SUCLG1: variants seen among roughly 807,000 people sequenced by gnomAD.
SUCLG1 encodes succinate--CoA ligase [ADP/GDP-forming] subunit alpha, mitochondrial.
In SUCLG1, 26 loss-of-function variants were observed where a neutral mutation model predicts 37.3. That is an observed-to-expected ratio of 0.70 (90% confidence interval 0.51 to 0.97). The LOEUF (loss-of-function observed/expected upper bound fraction) is 0.97. Ranked by LOEUF, SUCLG1 falls within the 50% of genes least tolerant of loss-of-function variation. The pLI, the probability that SUCLG1 is intolerant of heterozygous loss-of-function variation, is 0.00. For missense variants in SUCLG1, 433 were observed against 432.9 expected, an observed-to-expected ratio of 1.00 and a Z score of 0.00; for synonymous variants, 163 against 155.6, an observed-to-expected ratio of 1.05 and a Z score of -0.36.
chr2:84,439,156 T>G (rs1421667094), intron 5 of SUCLG1, among the ~76,000 whole-genome samples: 1 of 150,734 alleles, frequency 6.6e-6, no homozygotes, highest in Non-Finnish European at 1.5e-5. Context: ...GAACCAACTC[T>G]GGACACAGTG....
In SUCLG1 at chr2:84,423,666, A is replaced by T. The variant is rs1301709104; in HGVS notation, c.*80T>A. ...TGTCAGGCACATAGGCTGATTAATC[A>T]GTGGACAACAGAAGCAAACTGCTGC... On this transcript the variant is annotated 3_prime_UTR_variant, in exon 9 of 9. Coordinates refer to ENST00000393868, the MANE Select transcript of SUCLG1 (RefSeq NM_003849.4). 3.6e-6 allele frequency: 5 copies of T among 1,382,430 alleles called. No individual in the cohort carries two copies. Among genetic ancestry groups the T allele is most frequent in the Non-Finnish European group, 5.1e-6 (5 of 985,558 alleles). 85.6% of individuals were successfully genotyped at this position (1,382,430 alleles called of 1,614,324 possible).
chr2:84,449,755 A>G lies in SUCLG1; in HGVS notation c.98-3T>C. On this transcript the variant is annotated splice_polypyrimidine_tract_variant and splice_region_variant and intron_variant, in intron 1 of 8. Coordinates refer to ENST00000393868, the MANE Select transcript of SUCLG1 (RefSeq NM_003849.4). Reference sequence around the variant, plus strand: ...ATGCCGAATTCCATTCTGCGGCACTAAGAGGTTAAAAAAAAAAAAAAAAAA... The same window carrying G: ...ATGCCGAATTCCATTCTGCGGCACTGAGAGGTTAAAAAAAAAAAAAAAAAA... The G allele has an allele frequency of 1.5e-6, 2 of 1,317,704 alleles. No homozygotes were observed. The highest frequency in any genetic ancestry group is 2.1e-6 in the Non-Finnish European group (2 of 966,538). The allele number at this position is 1,317,704 out of a possible 1,614,324, so 81.6% of individuals were successfully genotyped here.
chr2:84,425,841 T>A (rs777511709), intron 7 of SUCLG1: 5 of 544,562 alleles, frequency 9.2e-6, no homozygotes, highest in Non-Finnish European at 1.6e-5. Flanking sequence ...ATCTGTTCAA[T>A]ATAAAACTTC....
At chr2:84,440,729 CTAAG>C (rs770167927) in intron 5 of SUCLG1, among the ~76,000 whole-genome samples, 1 of 152,118 alleles carries the variant, frequency 6.6e-6, no homozygotes, top group Non-Finnish European at 1.5e-5. Context: ...TTAGCAATAA[CTAAG>C]TTATAACAGT....
intron 1 of SUCLG1, 34 bp downstream of exon 1, chr2:84,459,139 C>A (rs1018469925): frequency 6.5e-7 from 1 of 1,527,826 alleles, no homozygotes; most frequent in Non-Finnish European, 8.9e-7. Context: ...CAATAACCCG[C>A]GGGCGCCAGG....
intron 5 of SUCLG1, among the ~76,000 whole-genome samples, chr2:84,439,740 T>C (rs988797875): frequency 2.0e-5 from 3 of 152,192 alleles, no homozygotes; most frequent in Admixed American, 6.5e-5. Flanking sequence ...AAAAACAGTA[T>C]AGTTTAGAGA....
At chr2:84,446,529 A>T (rs1672854932) in intron 2 of SUCLG1, among the ~76,000 whole-genome samples, 1 of 152,212 alleles carries the variant, frequency 6.6e-6, no homozygotes, top group South Asian at 2.1e-4. Flanking sequence ...TCAAAATAGG[A>T]AACTTGGCCC....
intron 5 of SUCLG1, among the ~76,000 whole-genome samples, chr2:84,436,375 G>A (rs1402718465): frequency 6.6e-6 from 1 of 152,174 alleles, no homozygotes; most frequent in Non-Finnish European, 1.5e-5. Flanking sequence ...GCTTTAACAG[G>A]CAGATATTTA....
chr2:84,459,258 G>T lies in SUCLG1; in HGVS notation c.12C>A (p.Thr4=), dbSNP rs758324663. 6 of 1,550,542 alleles carry T rather than the reference G, an allele frequency of 3.9e-6. No homozygotes were observed. Among genetic ancestry groups the T allele is most frequent in the East Asian group, 2.4e-5 (1 of 40,892 alleles). The change falls in exon 1 of 9, where the codon ACC becomes ACA. Residue 4 remains threonine, a synonymous_variant. Coordinates refer to ENST00000393868, the MANE Select transcript of SUCLG1 (RefSeq NM_003849.4). MTA[T]LAAAADIATM... ...TAGCGATGTCAGCGGCAGCGGCAAG[G>T]GTTGCGGTCATACGCCAATGACACT...
chr2:84,427,928 T>TC (rs1672558588), intron 7 of SUCLG1, among the ~76,000 whole-genome samples: 1 of 152,092 alleles, frequency 6.6e-6, no homozygotes, highest in African/African-American at 2.4e-5. Context: ...GGCTTTTTTT[T>TC]TCTTTGCACT....
chr2:84,423,664 T>G lies in SUCLG1; in HGVS notation c.*82A>C. 1 of 1,372,430 alleles carries G rather than the reference T, an allele frequency of 7.3e-7. No individual in the cohort carries two copies. The highest frequency in any genetic ancestry group is 1.4e-5 in the African/African-American group (1 of 70,176). 85.0% of individuals were successfully genotyped at this position (1,372,430 alleles called of 1,614,324 possible). ...AGTGTCAGGCACATAGGCTGATTAA[T>G]CAGTGGACAACAGAAGCAAACTGCT... On this transcript the variant is annotated 3_prime_UTR_variant, in exon 9 of 9. Transcript: ENST00000393868.
At chr2:84,433,206 C>T in intron 6 of SUCLG1, 146 bp downstream of exon 6, 1 of 782,182 alleles carries the variant, frequency 1.3e-6, no homozygotes. Flanking sequence ...TAACTTTACA[C>T]TTAAGCAAAT....
intron 1 of SUCLG1, among the ~76,000 whole-genome samples, chr2:84,457,097 T>C (rs1220252912): frequency 6.6e-6 from 1 of 152,172 alleles, no homozygotes; most frequent in Non-Finnish European, 1.5e-5. Flanking sequence ...GTACCATAAG[T>C]TGAAACTTAA....
At chr2:84,450,047 C>T (rs1338271628) in intron 1 of SUCLG1, among the ~76,000 whole-genome samples, 1 of 151,802 alleles carries the variant, frequency 6.6e-6, no homozygotes, top group Non-Finnish European at 1.5e-5. Context: ...TTTTTATTTC[C>T]TAGAAAAAAA....
At chr2:84,438,185 G>A (rs1672716396) in intron 5 of SUCLG1, among the ~76,000 whole-genome samples, 2 of 152,166 alleles carry the variant, frequency 1.3e-5, no homozygotes, top group Non-Finnish European at 2.9e-5. Flanking sequence ...CTACAGTTTT[G>A]CAAGATGTTA....
intron 1 of SUCLG1, 39 bp from the exon 2 acceptor site, chr2:84,449,791 AC>A: frequency 7.4e-7 from 1 of 1,354,652 alleles, no homozygotes; most frequent in Non-Finnish European, 1.0e-6. Flanking sequence ...AAAAAAAGAC[AC>A]ATTATAATTT....
rs1016462938 is a variant in SUCLG1 at position 84,434,487 on chromosome 2, G to A, written c.590-1052C>T. Among the ~76,000 whole-genome samples the A allele has an allele frequency of 3.3e-5, 5 of 152,150 alleles. No individual in the cohort carries two copies. The East Asian group carries it at 9.6e-4, about 29-fold the overall frequency. ...GAGGAGAGCCAGTGGGGGCCAGGGA[G>A]GAGTGACAGTTAGATGTCTTCTCTT... On this transcript the variant is annotated intron_variant, in intron 5 of 8. Transcript: ENST00000393868.
intron 7 of SUCLG1, among the ~76,000 whole-genome samples, chr2:84,430,591 C>A (rs1199621774): frequency 4.6e-5 from 7 of 152,058 alleles, no homozygotes; most frequent in Middle Eastern, 3.2e-3. Context: ...TTGTGTAAAC[C>A]ACCCTGTACA....
rs767950611 is a variant in SUCLG1 at position 84,425,419 on chromosome 2, T to C, written c.1010A>G (p.Tyr337Cys). The change falls in exon 8 of 9, where the codon TAC becomes TGC. Residue 337 changes from tyrosine to cysteine, a missense_variant. Transcript: ENST00000393868. Reference sequence around the variant, plus strand: ...TGGGCCACTGTTGGAGCTCACCTTGTAGATCGTGGTTCCCAGCTGTGCAGG... The same window carrying C: ...TGGGCCACTGTTGGAGCTCACCTTGCAGATCGTGGTTCCCAGCTGTGCAGG... ...MSPAQLGTTIYKEFEKRKML is the reference protein window; with the variant it reads ...MSPAQLGTTICKEFEKRKML 5.0e-6 allele frequency: 8 copies of C among 1,614,160 alleles called. No homozygotes were observed. The Admixed American group carries it at 1.3e-4, about 27-fold the overall frequency.
Sources: allele counts gnomAD v4.1 joint callset (sites outside exome capture counted in the v4.1 genomes callset), GRCh38; gene constraint gnomAD v4.1.1; transcripts MANE v1.5; gene names NCBI Gene and HGNC (gene_info 2026-07-23, HGNC 2026-07-21).